THSD4: variants seen among roughly 807,000 people sequenced by gnomAD.
THSD4 encodes thrombospondin type 1 domain containing 4, also known as thrombospondin type-1 domain-containing protein 4.
A neutral mutation model predicts 119.0 loss-of-function variants in THSD4; 69 were observed. The observed-to-expected ratio is 0.58, with a 90% CI of 0.48 to 0.71. The LOEUF (loss-of-function observed/expected upper bound fraction) is 0.71, where lower values mean the gene tolerates loss of function less well. THSD4 is among the 30% of genes least tolerant of loss of function. THSD4 has a pLI of 0.00. For synonymous variants in THSD4, 524 were observed against 540.4 expected (o/e 0.97, Z 0.42); for missense variants, 1,393 against 1,391.1 (o/e 1.00, Z -0.02).
upstream of THSD4, among the ~76,000 whole-genome samples, chr15:71,113,062 G>A (rs376132017): frequency 6.6e-6 from 1 of 152,186 alleles, no homozygotes; most frequent in African/African-American, 2.4e-5. Context: ...GGTGGCGCAC[G>A]CCTGTAGTCT....
At chr15:71,448,347 G>A (rs72760667) in intron 7 of THSD4, among the ~76,000 whole-genome samples, 1 of 152,292 alleles carries the variant, frequency 6.6e-6, no homozygotes, top group Non-Finnish European at 1.5e-5. Context: ...AGACTGCTTA[G>A]GAAACAACCG....
intron 8 of THSD4, among the ~76,000 whole-genome samples, chr15:71,710,794 C>T (rs2052495669): frequency 6.6e-6 from 1 of 151,956 alleles, no homozygotes; most frequent in East Asian, 1.9e-4. Context: ...CGTTCTGTTC[C>T]ACACAGACTC....
At chr15:71,746,679 G>A (rs1002959859) in intron 12 of THSD4, among the ~76,000 whole-genome samples, 159 bp from the exon 13 acceptor site, 34 of 152,204 alleles carry the variant, frequency 2.2e-4, no homozygotes, top group African/African-American at 8.2e-4. Context: ...ACAGGCGTGC[G>A]CCACTGTGCC....
rs2053947926 is a variant in THSD4, at chr15:71,778,232, A to C, written c.*858A>C. ...ATGCAAACAAAGCCCAGGCCCCTGAAATCTTTCCGGTCAAGCCTTTATCCC... is the reference window on the plus strand; with the variant it reads ...ATGCAAACAAAGCCCAGGCCCCTGACATCTTTCCGGTCAAGCCTTTATCCC... On this transcript the variant is annotated 3_prime_UTR_variant, in exon 18 of 18. Transcript: ENST00000261862. 6.6e-6 allele frequency: 1 copy of C among 152,252 alleles called. No homozygotes were observed. The highest frequency in any genetic ancestry group is 1.5e-5 in the Non-Finnish European group (1 of 68,126). The allele number at this position is 152,252 out of a possible 1,614,324, so 9.4% of individuals were successfully genotyped here. A position where few individuals can be genotyped will look rare whatever the true frequency, so the allele number is the denominator to read the frequency against.
At chr15:71,524,810 C>T (rs28736831) in intron 7 of THSD4, among the ~76,000 whole-genome samples, 7,213 of 138,260 alleles carry the variant, frequency 0.052, 623 homozygotes, top group African/African-American at 0.19. Flanking sequence ...GACGGGGTTT[C>T]ACCGTATTAG....
chr15:71,252,768 A>G (rs2044274050), intron 5 of THSD4, among the ~76,000 whole-genome samples: 1 of 152,206 alleles, frequency 6.6e-6, no homozygotes, highest in South Asian at 2.1e-4. Context: ...CATCTGTACA[A>G]TGGGTATAAT....
At chr15:71,592,969 A>G (rs1346377289) in intron 7 of THSD4, among the ~76,000 whole-genome samples, 1 of 152,136 alleles carries the variant, frequency 6.6e-6, no homozygotes, top group Non-Finnish European at 1.5e-5. Flanking sequence ...AGATTCATTA[A>G]CTTTTCCAAG....
chr15:71,187,498 G>A (rs1596256657), intron 3 of THSD4: 1 of 152,748 alleles, frequency 6.5e-6, no homozygotes, highest in African/African-American at 2.4e-5. Flanking sequence ...GAGGAACTTG[G>A]TGGCCAAATG....
intron 6 of THSD4, among the ~76,000 whole-genome samples, chr15:71,374,400 G>T (rs2046103138): frequency 6.6e-6 from 1 of 152,188 alleles, no homozygotes. Flanking sequence ...GTGAGTATCT[G>T]TTACTTCTTA....
intron 6 of THSD4, among the ~76,000 whole-genome samples, chr15:71,318,459 C>T (rs2045221238): frequency 1.3e-5 from 2 of 152,154 alleles, no homozygotes; most frequent in South Asian, 2.1e-4. Context: ...TGGGAAGGAA[C>T]CACTATTTGT....
At chr15:71,134,855 T>C (rs1222190499) in intron 1 of THSD4, among the ~76,000 whole-genome samples, 1 of 151,928 alleles carries the variant, frequency 6.6e-6, no homozygotes, top group Non-Finnish European at 1.5e-5. Flanking sequence ...GACCCAGCCA[T>C]CCCATTACTG....
intron 7 of THSD4, among the ~76,000 whole-genome samples, chr15:71,587,943 G>A (rs987721210): frequency 3.9e-5 from 6 of 152,022 alleles, no homozygotes; most frequent in African/African-American, 1.4e-4. Flanking sequence ...ACTCAAGAAT[G>A]AGATCCTCTA....
At chr15:71,294,495 G>A (rs900803162) in intron 6 of THSD4, among the ~76,000 whole-genome samples, 1 of 152,142 alleles carries the variant, frequency 6.6e-6, no homozygotes, top group Non-Finnish European at 1.5e-5. Context: ...CCGTTCAGGG[G>A]ATACCAGCGT....
intron 7 of THSD4, among the ~76,000 whole-genome samples, chr15:71,491,779 G>A (rs140822595): frequency 6.6e-6 from 1 of 152,142 alleles, no homozygotes; most frequent in Non-Finnish European, 1.5e-5. Context: ...TGAGGTGGGA[G>A]GATTGCTTAG....
Position 71,754,290 on chromosome 15 carries a change from A to G in THSD4, c.2416-3612A>G, listed in dbSNP as rs367891690. On this transcript the variant is annotated intron_variant, in intron 14 of 17. Transcript: ENST00000261862. ...TTTTTAGTAGAGATGGGGTTTCACT[A>G]TGTTGGCCAGGCTGGTCTCAAACTC... Among the ~76,000 whole-genome samples the G allele has an allele frequency of 8.3e-4, 126 of 152,128 alleles. 1 individual carries two copies. The highest frequency in any genetic ancestry group is 2.8e-3 in the African/African-American group (116 of 41,486).
At chr15:71,585,821 C>T (rs978379020) in intron 7 of THSD4, among the ~76,000 whole-genome samples, 1 of 151,942 alleles carries the variant, frequency 6.6e-6, no homozygotes, top group Non-Finnish European at 1.5e-5. Context: ...TTTCAAATGA[C>T]TTGTATCTGA....
At chr15:71,524,333 C>T (rs775362245) in intron 7 of THSD4, among the ~76,000 whole-genome samples, 7 of 152,146 alleles carry the variant, frequency 4.6e-5, no homozygotes, top group Non-Finnish European at 7.4e-5. Flanking sequence ...TGCAACTGTC[C>T]TGTGGTTTGG....
chr15:71,354,735 C>G (rs1308818094), intron 6 of THSD4, among the ~76,000 whole-genome samples: 3 of 152,194 alleles, frequency 2.0e-5, no homozygotes, highest in African/African-American at 7.2e-5. Flanking sequence ...GCCACATGAC[C>G]TCTTCAGGTT....
At chr15:71,672,327 C>T (rs1431320347) in intron 8 of THSD4, among the ~76,000 whole-genome samples, 1 of 152,174 alleles carries the variant, frequency 6.6e-6, no homozygotes, top group African/African-American at 2.4e-5. Context: ...GATTTTTGCA[C>T]CTTGATTTTG....
Sources: allele counts gnomAD v4.1 joint callset (sites outside exome capture counted in the v4.1 genomes callset), GRCh38; gene constraint gnomAD v4.1.1; transcripts MANE v1.5; gene names NCBI Gene and HGNC (gene_info 2026-07-23, HGNC 2026-07-21).